TMOD1: variants seen among roughly 807,000 people sequenced by gnomAD.
TMOD1 encodes tropomodulin-1.
TMOD1 carries 17 observed loss-of-function variants against 40.6 expected under a neutral mutation model. That is an observed-to-expected ratio of 0.42 (90% CI 0.29 to 0.63). The LOEUF is 0.63. Among genes scored for constraint, TMOD1 ranks in the 20% least tolerant of loss-of-function variants. The pLI is 0.22. For missense variants in TMOD1, 391 were observed against 447.6 expected, an observed-to-expected ratio of 0.87 and a Z score of 1.14; for synonymous variants, 181 against 175.0, an observed-to-expected ratio of 1.03 and a Z score of -0.27.
In TMOD1 at chr9:97,534,295, A is replaced by T. The variant is rs567541016; in HGVS notation, c.120+9987A>T. 2.0e-5 allele frequency among the ~76,000 whole-genome samples: 3 copies of T among 152,302 alleles called. No homozygotes were observed. In the East Asian group the frequency reaches 5.8e-4, roughly 29 times the overall value. On this transcript the variant is annotated intron_variant, in intron 2 of 9. Transcript: ENST00000259365. ...TGGAGTCTGTCACTGTGGGTTCACT[A>T]GTGTGATGGCCTGATGTTCTACTCT...
chr9:97,563,268 G>T (rs1264986321), intron 5 of TMOD1, among the ~76,000 whole-genome samples: 2 of 152,078 alleles, frequency 1.3e-5, no homozygotes, highest in African/African-American at 2.4e-5. Flanking sequence ...GCCCAGACTG[G>T]TCTCGAACTC....
intron 4 of TMOD1, among the ~76,000 whole-genome samples, chr9:97,558,954 C>T (rs1017248891): frequency 1.3e-5 from 2 of 152,178 alleles, no homozygotes; most frequent in East Asian, 3.9e-4. Flanking sequence ...AGGTCTGCTT[C>T]CTCTTGGTCT....
chr9:97,540,667 C>CTT (rs1429020720), intron 2 of TMOD1, among the ~76,000 whole-genome samples: 1 of 152,134 alleles, frequency 6.6e-6, no homozygotes, highest in Non-Finnish European at 1.5e-5. Flanking sequence ...GCTTCTTACA[C>CTT]TTAGTATGAT....
chr9:97,502,005 A>G lies in TMOD1; in HGVS notation c.-49+202A>G, dbSNP rs938923219. ...GCCCGGGTCTCGGGGTTCCGAGCCC[A>G]GCGCTCCCGTCCCCGCCTCCCCGCG... On this transcript the variant is annotated intron_variant, in intron 1 of 9. Coordinates refer to ENST00000259365, the MANE Select transcript of TMOD1 (RefSeq NM_003275.4). The surrounding 1 kb of genome is among the most constrained non-coding windows in gnomAD (Gnocchi z 6.1). Among the ~76,000 whole-genome samples, 5 of 151,808 alleles carry G rather than the reference A, an allele frequency of 3.3e-5. No homozygotes were observed. Among genetic ancestry groups the G allele is most frequent in the Admixed American group, 6.5e-5 (1 of 15,274 alleles).
intron 3 of TMOD1, among the ~76,000 whole-genome samples, chr9:97,551,058 C>G (rs1830447999): frequency 1.5e-5 from 2 of 132,206 alleles, no homozygotes; most frequent in South Asian, 2.3e-4. Context: ...GAGTCTTGCT[C>G]TGTCTCCCAG....
intron 1 of TMOD1, among the ~76,000 whole-genome samples, chr9:97,514,665 A>C (rs1009711649): frequency 1.3e-5 from 2 of 152,208 alleles, no homozygotes; most frequent in African/African-American, 4.8e-5. Flanking sequence ...GAAACTCTGC[A>C]GGGCAAGCCT....
intron 4 of TMOD1, among the ~76,000 whole-genome samples, chr9:97,562,523 C>T (rs1168675528): frequency 1.3e-5 from 2 of 152,180 alleles, no homozygotes; most frequent in South Asian, 2.1e-4. Context: ...GAATCAGAGG[C>T]CAGGGGCAGA....
chr9:97,594,526 G>T (rs985353100), intron 9 of TMOD1, among the ~76,000 whole-genome samples: 2 of 152,182 alleles, frequency 1.3e-5, no homozygotes, highest in Non-Finnish European at 2.9e-5. Flanking sequence ...GGCCTCTCAG[G>T]CCTCCTGCTC....
At chr9:97,573,282 C>T (rs533236294) in intron 8 of TMOD1, among the ~76,000 whole-genome samples, 15 of 152,342 alleles carry the variant, frequency 9.8e-5, no homozygotes, top group African/African-American at 3.6e-4. Context: ...CCAGGCCAGA[C>T]AAGGCCTGGG....
chr9:97,524,015 C>A, intron 1 of TMOD1, 126 bp from the exon 2 acceptor site: 1 of 626,020 alleles, frequency 1.6e-6, no homozygotes. Flanking sequence ...AGTATTCCAC[C>A]ATAGTAATGA....
In TMOD1 at chr9:97,583,395, C is replaced by T. The variant is rs1323669019; in HGVS notation, c.871-7896C>T. On this transcript the variant is annotated intron_variant, in intron 8 of 9. Transcript: ENST00000259365. ...AAGCTTTTTGATGTGCTGCTGGATT[C>T]GTTTTGCCAGTATTTTATTGAGGAT... is the stretch of plus-strand genomic sequence containing the variant. Among the ~76,000 whole-genome samples the T allele has an allele frequency of 6.0e-5, 9 of 149,862 alleles. No individual in the cohort carries two copies. The South Asian group carries it at 1.1e-3, about 18-fold the overall frequency.
rs372116419 is a variant in TMOD1, at chr9:97,586,208, A to T, written c.871-5083A>T. On this transcript the variant is annotated intron_variant, in intron 8 of 9. Transcript: ENST00000259365. The stretch of plus-strand genomic sequence containing the variant: ...GGTGTGGATGTCCTTTCTGTTTGTT[A>T]GTTTTCCTTCTAACAGAGAGGACCC... Among the ~76,000 whole-genome samples, 44 of 152,136 alleles carry T rather than the reference A, an allele frequency of 2.9e-4. No individual in the cohort carries two copies. The South Asian group carries it at 6.7e-3, about 23-fold the overall frequency.
chr9:97,571,913 G>A (rs564002037), intron 8 of TMOD1, among the ~76,000 whole-genome samples: 1 of 152,336 alleles, frequency 6.6e-6, no homozygotes, highest in South Asian at 2.1e-4. Flanking sequence ...AATGCTGGCT[G>A]CTTGCCAGGA....
At position 97,557,870 on chromosome 9, in the gene TMOD1, TAAAAAAA is replaced by T. The variant is rs908512113; in HGVS notation, c.397+4479_397+4485del. Among the ~76,000 whole-genome samples, 1 of 142,152 alleles carries T rather than the reference TAAAAAAA, an allele frequency of 7.0e-6. No individual in the cohort carries two copies. Among genetic ancestry groups the T allele is most frequent in the Non-Finnish European group, 1.5e-5 (1 of 64,664 alleles). 93.3% of individuals were successfully genotyped at this position (142,152 alleles called of 152,430 possible). ...TTGAGTTTTGAGGAAGATCTAGACT[TAAAAAAA>T]AAAAAAAATCAAGTTCCCCAGTGCT... On this transcript the variant is annotated intron_variant, in intron 4 of 9. Transcript: ENST00000259365. The surrounding 1 kb of genome is among the most constrained non-coding windows in gnomAD (Gnocchi z 4.4).
chr9:97,572,048 G>A (rs528536293), intron 8 of TMOD1, among the ~76,000 whole-genome samples: 1 of 152,304 alleles, frequency 6.6e-6, no homozygotes, highest in South Asian at 2.1e-4. Flanking sequence ...CCAGACAGTG[G>A]GCTGTGAGGT....
rs758380583 is a variant in TMOD1, at chr9:97,591,529, C to T, written c.1015+94C>T. 6.3e-4 allele frequency: 887 copies of T among 1,412,338 alleles called. 1 individual carries two copies. The highest frequency in any genetic ancestry group is 7.9e-4 in the Non-Finnish European group (819 of 1,035,238). 87.5% of individuals were successfully genotyped at this position (1,412,338 alleles called of 1,614,324 possible). A position where few individuals can be genotyped will look rare whatever the true frequency, so the allele number is the denominator to read the frequency against. ...AGGGAAAATTCTGTAGATGCCTCTCCGAGTCTTCTTGAGCCTTGATTTTCA... is the reference window on the plus strand; with the variant it reads ...AGGGAAAATTCTGTAGATGCCTCTCTGAGTCTTCTTGAGCCTTGATTTTCA... On this transcript the variant is annotated intron_variant, in intron 9 of 9. Coordinates refer to ENST00000259365, the MANE Select transcript of TMOD1 (RefSeq NM_003275.4).
intron 8 of TMOD1, among the ~76,000 whole-genome samples, chr9:97,572,125 T>G (rs1830828457): frequency 6.6e-6 from 1 of 152,034 alleles, no homozygotes; most frequent in Non-Finnish European, 1.5e-5. Flanking sequence ...AGGCAGATTT[T>G]GAGATAAACC....
Position 97,501,710 on chromosome 9 carries a change from C to A in TMOD1, c.-142C>A. 1 of 150,430 alleles carries A rather than the reference C, an allele frequency of 6.6e-6. No homozygotes were observed. The highest frequency in any genetic ancestry group is 1.8e-4 in the South Asian group (1 of 5,644). The allele number at this position is 150,430 out of a possible 1,614,324, so 9.3% of individuals were successfully genotyped here. On this transcript the variant is annotated 5_prime_UTR_variant, in exon 1 of 10. Coordinates refer to ENST00000259365, the MANE Select transcript of TMOD1 (RefSeq NM_003275.4). ...CTGCGCTCGCCCGCCCGCTGCCCGC[C>A]GGAGCACCGCGGCCTCCGCCCGCGT...
intron 4 of TMOD1, among the ~76,000 whole-genome samples, chr9:97,559,771 T>TAAAAAAAAAAAAAA (rs1830589569): frequency 3.2e-5 from 2 of 63,324 alleles, no homozygotes; most frequent in Admixed American, 4.9e-4. Flanking sequence ...CCTCAAAAAT[T>TAAAAAAAAAAAAAA]TAAAAAAAAA....
Sources: allele counts gnomAD v4.1 joint callset (sites outside exome capture counted in the v4.1 genomes callset), GRCh38; gene constraint gnomAD v4.1.1; non-coding constraint Gnocchi (gnomAD v3.1); transcripts MANE v1.5; gene names NCBI Gene and HGNC (gene_info 2026-07-23, HGNC 2026-07-21).